TBCK: variants seen among roughly 807,000 people sequenced by gnomAD.
TBCK encodes TBC domain-containing protein kinase-like protein.
TBCK carries 99 observed loss-of-function variants against 113.4 expected under a neutral mutation model. The ratio of observed to expected loss-of-function variants is 0.87; its 90% CI spans 0.74 to 1.03. The LOEUF is 1.03. TBCK is among the 50% of genes least tolerant of loss of function. The pLI, the probability that TBCK is intolerant of heterozygous loss-of-function variation, is 0.00. For synonymous variants in TBCK, 369 were observed against 370.8 expected, an observed-to-expected ratio of 1.00 and a Z score of 0.05; for missense variants, 1,045 against 1,061.3, an observed-to-expected ratio of 0.98 and a Z score of 0.21.
chr4:106,067,916 A>G (rs1468341918), intron 25 of TBCK, among the ~76,000 whole-genome samples: 1 of 152,116 alleles, frequency 6.6e-6, no homozygotes, highest in East Asian at 1.9e-4. Context: ...CAAATCAAGA[A>G]GTATGAGTCC....
intron 3 of TBCK, among the ~76,000 whole-genome samples, chr4:106,264,686 A>T (rs1245505324): frequency 6.6e-6 from 1 of 151,996 alleles, no homozygotes; most frequent in Non-Finnish European, 1.5e-5. Flanking sequence ...TGTCTCAGTC[A>T]TCAAGATTTA....
intron 19 of TBCK, among the ~76,000 whole-genome samples, chr4:106,215,239 C>A (rs971099215): frequency 9.9e-5 from 15 of 151,956 alleles, no homozygotes; most frequent in Admixed American, 2.6e-4. Context: ...AAGGAACAAC[C>A]GGTACCAGCC....
chr4:106,185,656 G>A (rs1460174855), intron 22 of TBCK, among the ~76,000 whole-genome samples: 1 of 152,110 alleles, frequency 6.6e-6, no homozygotes, highest in African/African-American at 2.4e-5. Context: ...CTGAGACCTA[G>A]AGAAAGGAAA....
intron 20 of TBCK, among the ~76,000 whole-genome samples, chr4:106,197,415 A>G (rs577231943): frequency 0.062 from 8,696 of 140,686 alleles, 319 homozygotes; most frequent in Non-Finnish European, 0.08. Context: ...GTGTGTGTAT[A>G]TATATATATA....
At chr4:106,178,332 C>T (rs1331537630) in intron 22 of TBCK, among the ~76,000 whole-genome samples, 1 of 151,754 alleles carries the variant, frequency 6.6e-6, no homozygotes, top group Non-Finnish European at 1.5e-5. Context: ...TGCCTAATTG[C>T]TCTGTCTAGA....
intron 20 of TBCK, among the ~76,000 whole-genome samples, chr4:106,210,541 A>G (rs1344259086): frequency 6.6e-6 from 1 of 152,178 alleles, no homozygotes; most frequent in African/African-American, 2.4e-5. Flanking sequence ...TCTAAATAAA[A>G]TGAGCATTCC....
At chr4:106,138,658 G>GTGGTGT (rs901419926) in intron 23 of TBCK, among the ~76,000 whole-genome samples, 3 of 141,186 alleles carry the variant, frequency 2.1e-5, no homozygotes, top group African/African-American at 7.5e-5. Context: ...GCAATGTAGG[G>GTGGTGT]TGGTGTTGGT....
At chr4:106,148,157 C>T (rs930365385) in intron 23 of TBCK, among the ~76,000 whole-genome samples, 7 of 152,238 alleles carry the variant, frequency 4.6e-5, no homozygotes, top group Non-Finnish European at 1.0e-4. Context: ...GTGCCCGAAA[C>T]TTCATTAGCA....
intron 3 of TBCK, among the ~76,000 whole-genome samples, chr4:106,290,369 G>A (rs944950516): frequency 6.6e-6 from 1 of 152,074 alleles, no homozygotes; most frequent in African/African-American, 2.4e-5. Context: ...AGTAGAGACA[G>A]GGTTTCACCA....
At chr4:106,094,875 G>T (rs991949550) in intron 25 of TBCK, among the ~76,000 whole-genome samples, 15 of 152,126 alleles carry the variant, frequency 9.9e-5, no homozygotes, top group Admixed American at 9.2e-4. Context: ...TTCTCTGGCT[G>T]CTTGTTTTTA....
intron 24 of TBCK, among the ~76,000 whole-genome samples, chr4:106,102,721 T>C (rs774376855): frequency 1.3e-5 from 2 of 152,218 alleles, no homozygotes; most frequent in Admixed American, 6.5e-5. Context: ...AAATGATGTA[T>C]AAAAGCAAAA....
intron 23 of TBCK, among the ~76,000 whole-genome samples, chr4:106,125,693 G>A (rs576474526): frequency 3.3e-5 from 5 of 152,108 alleles, no homozygotes; most frequent in Non-Finnish European, 7.3e-5. Context: ...AGTAGTTGCT[G>A]GGAAAGGTGG....
chr4:106,087,255 G>A (rs1249354936), intron 25 of TBCK, among the ~76,000 whole-genome samples: 1 of 152,138 alleles, frequency 6.6e-6, no homozygotes, highest in Admixed American at 6.5e-5. Flanking sequence ...AAAAATCAAT[G>A]TGCAAAAATC....
chr4:106,222,265 C>G lies in TBCK; in HGVS notation c.1774+8098G>C, dbSNP rs140717288. Among the ~76,000 whole-genome samples, 649 of 152,058 alleles carry G rather than the reference C, an allele frequency of 4.3e-3. 1 individual carries two copies. The highest frequency in any genetic ancestry group is 7.0e-3 in the Non-Finnish European group (477 of 67,938). ...TGAAAATAAATTGTCATCTTCCCTT[C>G]TAATTGCTCTGTATTAAAAATTTTT... On this transcript the variant is annotated intron_variant, in intron 19 of 25. Transcript: ENST00000394708.
chr4:106,176,443 T>C (rs906080521), intron 22 of TBCK, among the ~76,000 whole-genome samples: 1 of 152,150 alleles, frequency 6.6e-6, no homozygotes, highest in Non-Finnish European at 1.5e-5. Flanking sequence ...ATAGTCTTTC[T>C]GTGCCTGGCT....
intron 22 of TBCK, among the ~76,000 whole-genome samples, chr4:106,189,354 A>AAG (rs1560788649): frequency 7.4e-6 from 1 of 134,270 alleles, no homozygotes; most frequent in Non-Finnish European, 1.6e-5. Flanking sequence ...AAAAAAAAAA[A>AAG]AAAAAGAAAA....
chr4:106,212,885 G>T, intron 19 of TBCK, 50 bp from the exon 20 acceptor site: 1 of 1,105,024 alleles, frequency 9.0e-7, no homozygotes, highest in Non-Finnish European at 1.4e-6. Flanking sequence ...AGTACTCCAA[G>T]AACATTATAT....
rs141175319 is a variant in TBCK at position 106,156,988 on chromosome 4, G to A, written c.2235+14107C>T. Reference sequence around the variant, plus strand: ...GCTGAGTTTCACCTGAAGCCAGCAAGTCTCAGAGTGGCATACTACCTGGGT... The same window carrying A: ...GCTGAGTTTCACCTGAAGCCAGCAAATCTCAGAGTGGCATACTACCTGGGT... On this transcript the variant is annotated intron_variant, in intron 23 of 25. Coordinates refer to ENST00000394708, the MANE Select transcript of TBCK (RefSeq NM_001163435.3). Among the ~76,000 whole-genome samples the A allele has an allele frequency of 6.4e-3, 979 of 152,252 alleles. 20 individuals carry two copies. The highest frequency in any genetic ancestry group is 4.7e-3 in the Non-Finnish European group (321 of 68,014).
At position 106,294,528 on chromosome 4, in the gene TBCK, C is replaced by A. The variant is rs560915114; in HGVS notation, c.266+566G>T. Among the ~76,000 whole-genome samples, 317 of 151,472 alleles carry A rather than the reference C, an allele frequency of 2.1e-3. 3 individuals are homozygous for A. The highest frequency in any genetic ancestry group is 7.2e-3 in the African/African-American group (298 of 41,214). ...ATGGAGTCTCGCTCTGTCACCCAGG[C>A]AGGAGTGCGGTGGTGCAATCTCGGC... On this transcript the variant is annotated intron_variant, in intron 3 of 25. Transcript: ENST00000394708.
Sources: allele counts gnomAD v4.1 joint callset (sites outside exome capture counted in the v4.1 genomes callset), GRCh38; gene constraint gnomAD v4.1.1; transcripts MANE v1.5; gene names NCBI Gene and HGNC (gene_info 2026-07-23, HGNC 2026-07-21).